Variants in IGSF21 observed in about 807,000 individuals in gnomAD.
IGSF21 encodes the protein immunoglobin superfamily member 21.
Under a neutral mutation model 46.8 loss-of-function variants are expected in IGSF21, and 28 were observed. That is an observed-to-expected ratio of 0.60 (90% confidence interval 0.44 to 0.82). IGSF21 has a LOEUF of 0.82. IGSF21 is among the 40% of genes least tolerant of loss of function. The probability of loss-of-function intolerance (pLI) is 0.00; values close to 1 mark genes in which losing one functional copy is unlikely to be tolerated. For synonymous variants in IGSF21, 284 were observed against 273.6 expected, an observed-to-expected ratio of 1.04 and a Z score of -0.38; for missense variants, 624 against 665.5, an observed-to-expected ratio of 0.94 and a Z score of 0.69.
At chr1:18,319,600 T>C (rs1283635815) in intron 3 of IGSF21, among the ~76,000 whole-genome samples, 1 of 151,884 alleles carries the variant, frequency 6.6e-6, no homozygotes, top group African/African-American at 2.4e-5. Context: ...CATTAAGTTG[T>C]TCCAAGGAAT....
At chr1:18,135,916 AG>A in intron 1 of IGSF21, among the ~76,000 whole-genome samples, 1 of 152,304 alleles carries the variant, frequency 6.6e-6, no homozygotes, top group East Asian at 1.9e-4. Context: ...CATCCTCTCC[AG>A]CACCTGTTGT....
intron 2 of IGSF21, among the ~76,000 whole-genome samples, chr1:18,248,772 C>T (rs1236920704): frequency 6.6e-6 from 1 of 152,076 alleles, no homozygotes; most frequent in Admixed American, 6.6e-5. Flanking sequence ...GTGCTAGTTG[C>T]TGAGACTAAA....
At chr1:18,331,534 G>A (rs983837671) in intron 3 of IGSF21, among the ~76,000 whole-genome samples, 5 of 152,154 alleles carry the variant, frequency 3.3e-5, no homozygotes, top group East Asian at 1.9e-4. Flanking sequence ...AGCTGGTTCC[G>A]TATTTTTGCA....
At chr1:18,192,218 T>A (rs760387590) in intron 1 of IGSF21, among the ~76,000 whole-genome samples, 1 of 152,202 alleles carries the variant, frequency 6.6e-6, no homozygotes, top group Non-Finnish European at 1.5e-5. Flanking sequence ...TCCCACTTTG[T>A]AGTACCATAA....
intron 1 of IGSF21, among the ~76,000 whole-genome samples, chr1:18,158,668 T>C (rs2086589197): frequency 6.6e-6 from 1 of 152,160 alleles, no homozygotes; most frequent in African/African-American, 2.4e-5. Context: ...TCTCAATCTC[T>C]CTGCCTTCAG....
intron 2 of IGSF21, among the ~76,000 whole-genome samples, chr1:18,249,001 C>T (rs74783784): frequency 0.012 from 1,804 of 152,188 alleles, 39 homozygotes; most frequent in African/African-American, 0.041. Context: ...TGGGAGCCTG[C>T]GCAGGCCTCC....
intron 1 of IGSF21, among the ~76,000 whole-genome samples, chr1:18,162,254 C>T (rs1191038019): frequency 6.6e-6 from 1 of 152,144 alleles, no homozygotes; most frequent in African/African-American, 2.4e-5. Flanking sequence ...TGCCATGTTT[C>T]CCAGGCTGGT....
chr1:18,253,532 C>G (rs566097277), intron 2 of IGSF21, among the ~76,000 whole-genome samples: 1 of 152,340 alleles, frequency 6.6e-6, no homozygotes, highest in African/African-American at 2.4e-5. Context: ...TCCAGCATGG[C>G]TTTCAGAAGT....
At chr1:18,323,989 C>G (rs1279868632) in intron 3 of IGSF21, among the ~76,000 whole-genome samples, 1 of 152,118 alleles carries the variant, frequency 6.6e-6, no homozygotes, top group East Asian at 1.9e-4. Flanking sequence ...TCCAGGCCCC[C>G]TGTCCAGCGC....
chr1:18,148,353 C>T (rs2086489930), intron 1 of IGSF21, among the ~76,000 whole-genome samples: 2 of 151,992 alleles, frequency 1.3e-5, no homozygotes, highest in Non-Finnish European at 2.9e-5. Context: ...AGGATGGTCT[C>T]GATCTCCTGA....
intron 3 of IGSF21, among the ~76,000 whole-genome samples, chr1:18,294,373 A>C (rs2085293845): frequency 6.6e-6 from 1 of 152,216 alleles, no homozygotes; most frequent in Admixed American, 6.5e-5. Flanking sequence ...ACCTTTTTAC[A>C]AATCTCATAA....
chr1:18,147,128 G>A (rs59727558), intron 1 of IGSF21, among the ~76,000 whole-genome samples: 2,189 of 152,272 alleles, frequency 0.014, 56 homozygotes, highest in African/African-American at 0.05. Flanking sequence ...TGCTGGTCTT[G>A]CGGCTGCCAC....
intron 1 of IGSF21, among the ~76,000 whole-genome samples, chr1:18,204,335 G>A (rs965923736): frequency 5.3e-5 from 8 of 152,212 alleles, no homozygotes; most frequent in South Asian, 2.1e-4. Flanking sequence ...GCCTGTGCTC[G>A]CAACTTCAGT....
At chr1:18,280,490 T>G (rs1569712152) in intron 2 of IGSF21, among the ~76,000 whole-genome samples, 1 of 152,144 alleles carries the variant, frequency 6.6e-6, no homozygotes, top group African/African-American at 2.4e-5. Flanking sequence ...ATTATTAGCA[T>G]TTTACAGCTA....
intron 3 of IGSF21, among the ~76,000 whole-genome samples, chr1:18,326,995 C>G (rs1216264065): frequency 6.6e-6 from 1 of 152,136 alleles, no homozygotes; most frequent in Non-Finnish European, 1.5e-5. Context: ...CGATGAGCCT[C>G]CTGTGCCACA....
At chr1:18,138,631 G>A (rs1474199639) in intron 1 of IGSF21, among the ~76,000 whole-genome samples, 3 of 152,144 alleles carry the variant, frequency 2.0e-5, no homozygotes, top group African/African-American at 4.8e-5. Context: ...GAATCACCTG[G>A]CAAGGGGCGA....
At chr1:18,367,996 C>T (rs1319467874) in intron 6 of IGSF21, among the ~76,000 whole-genome samples, 1 of 151,994 alleles carries the variant, frequency 6.6e-6, no homozygotes, top group East Asian at 1.9e-4. Flanking sequence ...CAGACTGTGG[C>T]CTCTCTTATA....
intron 4 of IGSF21, among the ~76,000 whole-genome samples, chr1:18,338,427 G>C (rs1337933487): frequency 6.6e-6 from 1 of 152,132 alleles, no homozygotes; most frequent in South Asian, 2.1e-4. Context: ...GGGACCCTAA[G>C]GGCCACTGCA....
chr1:18,233,642 T>C (rs1012365744), intron 2 of IGSF21, among the ~76,000 whole-genome samples: 3 of 152,218 alleles, frequency 2.0e-5, no homozygotes, highest in African/African-American at 7.2e-5. Flanking sequence ...ATTTCATGTC[T>C]GTTGATAGCT....
Sources: gnomAD v4.1 joint callset for allele counts (sites outside exome capture counted in the v4.1 genomes callset) on GRCh38, gnomAD v4.1.1 for gene constraint, MANE v1.5 for transcripts, NCBI Gene and HGNC (gene_info 2026-07-23, HGNC 2026-07-21) for gene names.